C12orf42: variants seen among roughly 807,000 people sequenced by gnomAD.
The protein encoded by C12orf42 is chromosome 12 open reading frame 42.
In C12orf42, 25 loss-of-function variants were observed where a neutral mutation model predicts 21.6. That is an observed-to-expected ratio of 1.16 (90% CI 0.84 to 1.62). The LOEUF (loss-of-function observed/expected upper bound fraction) is 1.62. Ranked by LOEUF, C12orf42 falls within the 40% of genes most tolerant of loss-of-function variation. The pLI is 0.00. For synonymous variants in C12orf42, 174 were observed against 175.0 expected (o/e 0.99, Z 0.05); for missense variants, 483 against 459.3 (o/e 1.05, Z -0.47).
the C12orf42 span, among the ~76,000 whole-genome samples, chr12:103,051,802 C>T: frequency 3.9e-5 from 6 of 152,162 alleles, no homozygotes; most frequent in Non-Finnish European, 7.3e-5. Flanking sequence ...CTGTCTTGCT[C>T]CTTCTCCTCA....
chr12:103,188,740 C>A, the C12orf42 span, among the ~76,000 whole-genome samples: 1 of 152,188 alleles, frequency 6.6e-6, no homozygotes, highest in Non-Finnish European at 1.5e-5. Context: ...TCTGGCTCTT[C>A]CTTTGCCTTC....
intron 4 of C12orf42, among the ~76,000 whole-genome samples, chr12:103,354,060 T>G (rs893587056): frequency 6.6e-6 from 1 of 152,168 alleles, no homozygotes; most frequent in Non-Finnish European, 1.5e-5. Flanking sequence ...ACTAAGATGA[T>G]TTGAATCCAT....
intron 3 of C12orf42, among the ~76,000 whole-genome samples, chr12:103,398,132 C>T (rs1315085622): frequency 6.6e-6 from 1 of 152,210 alleles, no homozygotes; most frequent in African/African-American, 2.4e-5. Flanking sequence ...AGTGATTCTG[C>T]AGCAGCTTAT....
chr12:103,469,982 G>A (rs992405408), intron 2 of C12orf42, among the ~76,000 whole-genome samples: 12 of 152,142 alleles, frequency 7.9e-5, no homozygotes, highest in Admixed American at 2.0e-4. Context: ...CATAAAATGA[G>A]TCACTGAATA....
chr12:103,531,395 AC>A, the C12orf42 span, among the ~76,000 whole-genome samples: 1 of 152,184 alleles, frequency 6.6e-6, no homozygotes, highest in Non-Finnish European at 1.5e-5. Context: ...TGCTAGCCCT[AC>A]CCTTCTGTCA....
At chr12:103,222,020 A>G in the C12orf42 span, among the ~76,000 whole-genome samples, 1 of 152,188 alleles carries the variant, frequency 6.6e-6, no homozygotes, top group Non-Finnish European at 1.5e-5. Flanking sequence ...AGGCATCAAC[A>G]TGGTCCTGGG....
chr12:103,429,195 G>C (rs1463584232), intron 2 of C12orf42, among the ~76,000 whole-genome samples: 1 of 152,192 alleles, frequency 6.6e-6, no homozygotes, highest in East Asian at 1.9e-4. Flanking sequence ...GTTTGCAGAT[G>C]ACATGATTGT....
At chr12:103,521,078 A>C in the C12orf42 span, among the ~76,000 whole-genome samples, 1 of 152,172 alleles carries the variant, frequency 6.6e-6, no homozygotes, top group African/African-American at 2.4e-5. Context: ...TATGGCATGC[A>C]CTGTGCTGCA....
chr12:103,390,087 A>T (rs1332882998), intron 3 of C12orf42, among the ~76,000 whole-genome samples: 1 of 152,158 alleles, frequency 6.6e-6, no homozygotes, highest in African/African-American at 2.4e-5. Flanking sequence ...GCCAGCCTCC[A>T]TCATTGCTGC....
the C12orf42 span, among the ~76,000 whole-genome samples, chr12:103,053,410 G>T: frequency 6.6e-6 from 1 of 151,776 alleles, no homozygotes; most frequent in Non-Finnish European, 1.5e-5. Context: ...TAAATAAAAT[G>T]TCTGTTCATA....
At chr12:103,112,243 G>A in the C12orf42 span, among the ~76,000 whole-genome samples, 1 of 152,188 alleles carries the variant, frequency 6.6e-6, no homozygotes, top group African/African-American at 2.4e-5. Context: ...AAAGAGTTAA[G>A]CGTTATGAGG....
chr12:103,219,018 A>T, the C12orf42 span, among the ~76,000 whole-genome samples: 1 of 152,114 alleles, frequency 6.6e-6, no homozygotes, highest in Admixed American at 6.5e-5. Flanking sequence ...TAGCTGCAGG[A>T]GTTTTTTTTC....
At chr12:103,538,123 G>A in the C12orf42 span, among the ~76,000 whole-genome samples, 1 of 152,214 alleles carries the variant, frequency 6.6e-6, no homozygotes, top group Non-Finnish European at 1.5e-5. Context: ...CATTCACAGG[G>A]AGATTGTGGG....
chr12:103,245,326 T>C (rs1388601869), intron 10 of C12orf42, among the ~76,000 whole-genome samples: 1 of 152,068 alleles, frequency 6.6e-6, no homozygotes, highest in Non-Finnish European at 1.5e-5. Context: ...ACCTGTACAA[T>C]GGTAATCATT....
At chr12:103,431,412 A>AAATTT (rs1950255326) in intron 2 of C12orf42, 2 of 152,332 alleles carry the variant, frequency 1.3e-5, no homozygotes, top group South Asian at 2.1e-4. Flanking sequence ...CACTTTATAA[A>AAATTT]ACACTTTCCT....
chr12:103,144,396 T>C, the C12orf42 span, among the ~76,000 whole-genome samples: 1 of 152,194 alleles, frequency 6.6e-6, no homozygotes, highest in African/African-American at 2.4e-5. Flanking sequence ...CTACTTGCAG[T>C]CACCTTAGCA....
the C12orf42 span, among the ~76,000 whole-genome samples, chr12:103,539,227 ATT>A: frequency 6.6e-6 from 1 of 152,332 alleles, no homozygotes; most frequent in Non-Finnish European, 1.5e-5. Context: ...GTACAAAGAC[ATT>A]GAGTGCAGAG....
At chr12:103,391,469 T>A (rs1454775276) in intron 3 of C12orf42, among the ~76,000 whole-genome samples, 1 of 152,146 alleles carries the variant, frequency 6.6e-6, no homozygotes, top group Non-Finnish European at 1.5e-5. Flanking sequence ...TTATGATGGG[T>A]ATAAAGTGAT....
At chr12:103,335,982 C>T (rs1011630530) in intron 4 of C12orf42, among the ~76,000 whole-genome samples, 1 of 152,252 alleles carries the variant, frequency 6.6e-6, no homozygotes, top group Non-Finnish European at 1.5e-5. Context: ...TTCTGTTTTG[C>T]TCACAGTGTG....
Sources: allele counts gnomAD v4.1 joint callset (sites outside exome capture counted in the v4.1 genomes callset), GRCh38; gene constraint gnomAD v4.1.1; transcripts MANE v1.5; gene names NCBI Gene and HGNC (gene_info 2026-07-23, HGNC 2026-07-21).